Variants in NAV2 observed in about 807,000 individuals in gnomAD.
NAV2 encodes neuron navigator 2, also known as helicase, APC down-regulated 1.
NAV2 carries 54 observed loss-of-function variants against 223.2 expected under a neutral mutation model. The ratio of observed to expected loss-of-function variants is 0.24; its 90% confidence interval spans 0.19 to 0.30. The LOEUF (loss-of-function observed/expected upper bound fraction) is 0.30, where lower values mean the gene tolerates loss of function less well. Ranked by LOEUF, NAV2 falls within the 10% of genes least tolerant of loss-of-function variation. The pLI is 1.00. For synonymous variants in NAV2, 1,279 were observed against 1,239.3 expected, an observed-to-expected ratio of 1.03 and a Z score of -0.67; for missense variants, 2,806 against 3,147.5, an observed-to-expected ratio of 0.89 and a Z score of 2.60.
intron 3 of NAV2, among the ~76,000 whole-genome samples, chr11:19,859,818 G>A (rs536663015): frequency 6.5e-4 from 96 of 147,190 alleles, no homozygotes; most frequent in African/African-American, 2.3e-3. Flanking sequence ...CGGGCGGGGG[G>A]CTGACCACCC....
intron 1 of NAV2, among the ~76,000 whole-genome samples, chr11:19,489,316 A>C (rs1259402019): frequency 2.0e-5 from 3 of 152,220 alleles, no homozygotes; most frequent in Non-Finnish European, 2.9e-5. Context: ...GGGGAAGAAG[A>C]AGGGCAATGT....
chr11:19,601,275 C>T (rs910868396), intron 1 of NAV2, among the ~76,000 whole-genome samples: 52 of 152,234 alleles, frequency 3.4e-4, no homozygotes, highest in African/African-American at 1.2e-3. Flanking sequence ...ACTGCCCCTA[C>T]ACCCTACTTG....
At chr11:19,421,701 C>T (rs1289776397) in intron 1 of NAV2, among the ~76,000 whole-genome samples, 1 of 139,984 alleles carries the variant, frequency 7.1e-6, no homozygotes, top group East Asian at 2.3e-4. Flanking sequence ...GGAGAAACAA[C>T]ATAATGATTC....
At chr11:19,648,040 T>C (rs533963550) in intron 1 of NAV2, among the ~76,000 whole-genome samples, 3 of 152,344 alleles carry the variant, frequency 2.0e-5, no homozygotes, top group Admixed American at 6.5e-5. Context: ...TGGCTTGATA[T>C]GCTGTGGTAT....
chr11:19,419,745 A>G (rs1850532031), intron 1 of NAV2, among the ~76,000 whole-genome samples: 2 of 152,240 alleles, frequency 1.3e-5, no homozygotes, highest in South Asian at 2.1e-4. Flanking sequence ...GCAGTTCAAC[A>G]GATGCTTCTG....
Position 19,434,681 on chromosome 11 carries a change from A to G in NAV2, c.75+83654A>G, listed in dbSNP as rs148137395. On this transcript the variant is annotated intron_variant, in intron 1 of 37. Coordinates refer to the NAV2 transcript ENST00000360655. The stretch of plus-strand genomic sequence containing the variant: ...GCATTTTCCTCTTTTGCAAAATCAA[A>G]TTACTCTGAACTGGGAGGTGGAGTC... Among the ~76,000 whole-genome samples the G allele has an allele frequency of 7.2e-4, 110 of 152,264 alleles. 1 individual carries two copies. The highest frequency in any genetic ancestry group is 2.4e-3 in the African/African-American group (99 of 41,558).
rs144413263 is a variant in NAV2 at position 19,680,191 on chromosome 11, C to G, written c.76-152293C>G. The stretch of plus-strand genomic sequence containing the variant: ...GCCTGCCTCCTCACAAAAGATAGCT[C>G]TGGCCCCAGCACATCATTCTTTTCA... On this transcript the variant is annotated intron_variant, in intron 1 of 37. Transcript: ENST00000360655. Among the ~76,000 whole-genome samples the G allele has an allele frequency of 7.3e-4, 111 of 152,326 alleles. 1 individual carries two copies. The highest frequency in any genetic ancestry group is 1.8e-3 in the African/African-American group (73 of 41,588).
chr11:19,872,920 T>C (rs2062614009), intron 4 of NAV2, among the ~76,000 whole-genome samples: 1 of 152,192 alleles, frequency 6.6e-6, no homozygotes, highest in Non-Finnish European at 1.5e-5. Context: ...GCCAGAGTCC[T>C]GTGAGCTTGG....
intron 1 of NAV2, among the ~76,000 whole-genome samples, chr11:19,530,580 C>A (rs927315871): frequency 6.6e-6 from 1 of 152,232 alleles, no homozygotes; most frequent in Non-Finnish European, 1.5e-5. Context: ...GAATCCAAGT[C>A]TTCCCACCCC....
intron 1 of NAV2, chr11:19,778,352 G>C: frequency 2.2e-6 from 1 of 455,818 alleles, no homozygotes; most frequent in Non-Finnish European, 4.4e-6. Flanking sequence ...AATGGAGCAA[G>C]TTCCCACCTT....
intron 1 of NAV2, among the ~76,000 whole-genome samples, chr11:19,729,540 C>T (rs1301415009): frequency 1.3e-5 from 2 of 152,200 alleles, no homozygotes; most frequent in Non-Finnish European, 2.9e-5. Context: ...CCTAACTGTG[C>T]CCATAGAGTT....
intron 12 of NAV2, among the ~76,000 whole-genome samples, chr11:20,041,147 G>C (rs933873894): frequency 6.6e-6 from 1 of 152,156 alleles, no homozygotes; most frequent in Admixed American, 6.5e-5. Context: ...AGGAGAATCT[G>C]CTGGGTATAG....
intron 1 of NAV2, among the ~76,000 whole-genome samples, chr11:19,565,749 A>C (rs1408638883): frequency 6.6e-6 from 1 of 152,226 alleles, no homozygotes; most frequent in Non-Finnish European, 1.5e-5. Flanking sequence ...GTGTGCAAAC[A>C]TGTGTGCACC....
chr11:19,399,496 G>T (rs1204971164), intron 1 of NAV2, among the ~76,000 whole-genome samples: 2 of 152,162 alleles, frequency 1.3e-5, no homozygotes, highest in Admixed American at 6.6e-5. Context: ...AGTGTAGGTG[G>T]ACAGGGGACA....
In NAV2 at chr11:20,049,422, C is replaced by G. The variant is rs549687589; in HGVS notation, c.4370+227C>G. ...TTTTTGGTGCTTGGAGCTGCTCAGT[C>G]TCTCGGGGGCAGATTTATGCTACCA... On this transcript the variant is annotated intron_variant, in intron 15 of 37. Transcript: ENST00000349880. The G allele has an allele frequency of 7.3e-6, 4 of 549,004 alleles. No individual in the cohort carries two copies. In the South Asian group the frequency reaches 1.1e-4, roughly 15 times the overall value. 34.0% of individuals were successfully genotyped at this position (549,004 alleles called of 1,614,324 possible).
At chr11:19,434,361 T>C (rs2133627151) in intron 1 of NAV2, among the ~76,000 whole-genome samples, 1 of 152,308 alleles carries the variant, frequency 6.6e-6, no homozygotes, top group Non-Finnish European at 1.5e-5. Flanking sequence ...GATTAGGTGA[T>C]GGAGAACTGA....
intron 1 of NAV2, among the ~76,000 whole-genome samples, chr11:19,776,622 GGGTCAGAAAA>G: frequency 6.6e-5 from 9 of 136,974 alleles, no homozygotes; most frequent in African/African-American, 2.6e-4. Context: ...AGAGTTGTGG[GGGTCAGAAAA>G]TGTGTGTGTG....
Position 19,933,226 on chromosome 11 carries a change from C to A in NAV2, c.982C>A (p.Pro328Thr), listed in dbSNP as rs200292193. 1 of 1,581,790 alleles carries A rather than the reference C, an allele frequency of 6.3e-7. No homozygotes were observed. Among genetic ancestry groups the A allele is most frequent in the Non-Finnish European group, 8.6e-7 (1 of 1,163,490 alleles). Residue 328 changes from proline (P) to threonine (T), a missense_variant, in exon 7 of 38, where the codon CCT becomes ACT. Pro to Thr is a conservative substitution (Grantham distance 38). Around this residue, in one of 4 missense-constraint regions of NAV2, gnomAD observed 1,167 missense variants for 1,180.5 expected, o/e 0.99. Coordinates refer to ENST00000349880, the MANE Select transcript of NAV2 (RefSeq NM_145117.5). This position sits in a 1 kb window ranked among gnomAD's most constrained non-coding sequence, Gnocchi z 4.3. Reference protein sequence around the residue: ...SSHPGMSDNAPASLESGSSST... With the variant: ...SSHPGMSDNATASLESGSSST... The stretch of plus-strand genomic sequence containing the variant: ...CCACCCCGGAATGAGTGACAATGCA[C>A]CTGCTTCCTTGGAGAGCGGCAGCAG...
intron 1 of NAV2, among the ~76,000 whole-genome samples, chr11:19,689,239 G>A (rs2049101935): frequency 6.6e-6 from 1 of 152,234 alleles, no homozygotes; most frequent in Non-Finnish European, 1.5e-5. Flanking sequence ...GGAGCAGCCA[G>A]AGGTGGAAAA....
Sources: gnomAD v4.1 joint callset for allele counts (sites outside exome capture counted in the v4.1 genomes callset) on GRCh38, gnomAD v4.1.1 for gene constraint, gnomAD v4.1.1 regional missense constraint, Gnocchi (gnomAD v3.1) non-coding constraint, MANE v1.5 for transcripts, NCBI Gene and HGNC (gene_info 2026-07-23, HGNC 2026-07-21) for gene names.